Variants in TDRD5 observed in about 807,000 individuals in gnomAD.
TDRD5 encodes tudor domain containing 5.
In TDRD5, 41 loss-of-function variants were observed where a neutral mutation model predicts 120.6. The observed-to-expected ratio is 0.34, with a 90% CI of 0.26 to 0.44. TDRD5 has a LOEUF of 0.44. Ranked by LOEUF, TDRD5 falls within the 20% of genes least tolerant of loss-of-function variation. TDRD5 has a pLI of 1.00. For synonymous variants in TDRD5, 430 were observed against 433.7 expected (o/e 0.99, Z 0.11); for missense variants, 1,006 against 1,221.2 (o/e 0.82, Z 2.63).
intron 4 of TDRD5, among the ~76,000 whole-genome samples, chr1:179,599,007 A>G (rs910652790): frequency 6.6e-6 from 1 of 152,112 alleles, no homozygotes. Flanking sequence ...AGCTTTTTAG[A>G]TGCCTTTTAT....
rs1005366962 is a variant in TDRD5, at chr1:179,652,297, G to T, written c.2160+100G>T. ...AGGCTTTCCAAATTTTGGAAAGTTT[G>T]GAAATTTTGCACAGTGATCTTAACA... is the stretch of plus-strand genomic sequence containing the variant. On this transcript the variant is annotated intron_variant, in intron 13 of 17. Transcript: ENST00000444136. 99 of 1,244,124 alleles carry T rather than the reference G, an allele frequency of 8.0e-5. No homozygotes were observed. The East Asian group carries it at 2.5e-3, about 31-fold the overall frequency. 77.1% of individuals were successfully genotyped at this position (1,244,124 alleles called of 1,614,324 possible).
intron 17 of TDRD5, among the ~76,000 whole-genome samples, chr1:179,683,404 AT>A (rs1680533673): frequency 6.6e-6 from 1 of 152,178 alleles, no homozygotes; most frequent in African/African-American, 2.4e-5. Flanking sequence ...ACCTTTTGAT[AT>A]CCGAGCTCAC....
Position 179,675,302 on chromosome 1 carries a change from C to T in TDRD5, c.2860+5898C>T, listed in dbSNP as rs1299442667. Reference sequence around the variant, plus strand: ...TTTTTTTTTTTTTTTTTTTTTGAGACGGAGTCTCACTCTTTCGCCCAAGCT... The same window carrying T: ...TTTTTTTTTTTTTTTTTTTTTGAGATGGAGTCTCACTCTTTCGCCCAAGCT... On this transcript the variant is annotated intron_variant, in intron 17 of 17. Transcript: ENST00000444136. Among the ~76,000 whole-genome samples the T allele has an allele frequency of 4.5e-4, 27 of 59,502 alleles. 1 individual carries two copies. The highest frequency in any genetic ancestry group is 1.7e-3 in the East Asian group (3 of 1,728). 39.0% of individuals were successfully genotyped at this position (59,502 alleles called of 152,430 possible). A position where few individuals can be genotyped will look rare whatever the true frequency, so the allele number is the denominator to read the frequency against.
At chr1:179,637,203 T>C (rs1467777302) in intron 9 of TDRD5, among the ~76,000 whole-genome samples, 1 of 152,204 alleles carries the variant, frequency 6.6e-6, no homozygotes. Flanking sequence ...ATGCTTCTAC[T>C]CCAGGACACC....
intron 17 of TDRD5, among the ~76,000 whole-genome samples, chr1:179,679,879 TTC>T (rs1331224851): frequency 6.6e-6 from 1 of 152,106 alleles, no homozygotes; most frequent in Admixed American, 6.5e-5. Context: ...GGCTTAATTT[TTC>T]TCTTTTTCTA....
At chr1:179,680,961 C>A (rs1307054792) in intron 17 of TDRD5, among the ~76,000 whole-genome samples, 1 of 151,990 alleles carries the variant, frequency 6.6e-6, no homozygotes, top group East Asian at 1.9e-4. Flanking sequence ...GTATTTTAAC[C>A]CAAGCATATC....
intron 16 of TDRD5, among the ~76,000 whole-genome samples, chr1:179,667,926 T>A (rs991029078): frequency 1.4e-4 from 21 of 152,340 alleles, no homozygotes; most frequent in South Asian, 1.0e-3. Context: ...GTGATGCATA[T>A]GAGCCAGAAA....
At chr1:179,634,784 A>G (rs894257282) in intron 8 of TDRD5, among the ~76,000 whole-genome samples, 155 bp downstream of exon 8, 17 of 152,236 alleles carry the variant, frequency 1.1e-4, no homozygotes, top group African/African-American at 4.1e-4. Context: ...GTTATGTCAT[A>G]TAGCATTCTT....
intron 12 of TDRD5, 89 bp from the exon 13 acceptor site, chr1:179,651,950 C>G: frequency 7.3e-7 from 1 of 1,363,636 alleles, no homozygotes; most frequent in South Asian, 1.3e-5. Context: ...AATATACTTC[C>G]ATAGCATTTG....
chr1:179,607,021 G>A (rs1676017210), intron 4 of TDRD5, among the ~76,000 whole-genome samples: 1 of 152,126 alleles, frequency 6.6e-6, no homozygotes, highest in Non-Finnish European at 1.5e-5. Flanking sequence ...TATAAATCAA[G>A]TTGGGAAGAG....
intron 13 of TDRD5, among the ~76,000 whole-genome samples, chr1:179,653,731 C>A (rs1385156434): frequency 6.6e-6 from 1 of 152,192 alleles, no homozygotes; most frequent in African/African-American, 2.4e-5. Context: ...CTAGTCTGTA[C>A]TTTGACATAT....
chr1:179,610,929 C>A (rs1676241415), intron 4 of TDRD5, among the ~76,000 whole-genome samples: 1 of 152,052 alleles, frequency 6.6e-6, no homozygotes, highest in Non-Finnish European at 1.5e-5. Flanking sequence ...TAAGTGTATT[C>A]ATTCATTGAC....
chr1:179,650,081 G>T (rs1445886874), intron 11 of TDRD5, among the ~76,000 whole-genome samples: 5 of 152,034 alleles, frequency 3.3e-5, no homozygotes, highest in Admixed American at 3.3e-4. Flanking sequence ...TCCACCATGG[G>T]TGCACCCTGG....
intron 7 of TDRD5, among the ~76,000 whole-genome samples, chr1:179,633,122 C>T (rs1677552159): frequency 6.6e-6 from 1 of 152,158 alleles, no homozygotes; most frequent in Non-Finnish European, 1.5e-5. Context: ...TCATTTCTTA[C>T]ACTTCATATA....
intron 6 of TDRD5, among the ~76,000 whole-genome samples, chr1:179,624,249 T>C (rs755479590): frequency 3.4e-4 from 51 of 152,142 alleles, no homozygotes; most frequent in Non-Finnish European, 6.6e-4. Flanking sequence ...ATTAAAACTC[T>C]CAGAAAACTA....
At chr1:179,633,577 C>A (rs1677583065) in intron 7 of TDRD5, among the ~76,000 whole-genome samples, 1 of 151,866 alleles carries the variant, frequency 6.6e-6, no homozygotes, top group African/African-American at 2.4e-5. Flanking sequence ...GTCTTGAACT[C>A]CTGACCTTGT....
At chr1:179,661,247 A>G (rs1679298005) in intron 14 of TDRD5, among the ~76,000 whole-genome samples, 1 of 152,164 alleles carries the variant, frequency 6.6e-6, no homozygotes, top group African/African-American at 2.4e-5. Context: ...GTTTTCAGCC[A>G]TATTTCTTCA....
intron 11 of TDRD5, among the ~76,000 whole-genome samples, chr1:179,649,582 C>T (rs1558405757): frequency 6.6e-6 from 1 of 152,078 alleles, no homozygotes; most frequent in Non-Finnish European, 1.5e-5. Context: ...CTTCTTAGTT[C>T]TGCTAGATCA....
intron 17 of TDRD5, among the ~76,000 whole-genome samples, chr1:179,675,785 TGTG>T (rs1379667721): frequency 6.6e-6 from 1 of 152,206 alleles, no homozygotes; most frequent in Non-Finnish European, 1.5e-5. Flanking sequence ...TGGCCTATCA[TGTG>T]GTCTAAGAGA....
Sources: gnomAD v4.1 joint callset for allele counts (sites outside exome capture counted in the v4.1 genomes callset) on GRCh38, gnomAD v4.1.1 for gene constraint, MANE v1.5 for transcripts, NCBI Gene and HGNC (gene_info 2026-07-23, HGNC 2026-07-21) for gene names.